RP1: variants seen among roughly 807,000 people sequenced by gnomAD.
The protein encoded by RP1 is oxygen-regulated protein 1.
In RP1, 16 loss-of-function variants were observed where a neutral mutation model predicts 14.8. That is an observed-to-expected ratio of 1.08 (90% CI 0.73 to 1.65). RP1 has a LOEUF of 1.65. Ranked by LOEUF, RP1 falls within the 40% of genes most tolerant of loss-of-function variation. RP1 has a pLI of 0.00. For missense variants in RP1, 2,631 were observed against 2,535.0 expected (o/e 1.04, Z -0.81); for synonymous variants, 876 against 883.6 (o/e 0.99, Z 0.15).
chr8:54,622,325 C>A, intron 3 of RP1, 37 bp downstream of exon 3: 1 of 1,605,582 alleles, frequency 6.2e-7, no homozygotes, highest in Non-Finnish European at 8.5e-7. Context: ...ATATTTTTAG[C>A]CCTGAGATTT....
Position 54,853,403 on chromosome 8 carries a change from G to A in RP1, c.3990+675G>A, listed in dbSNP as rs531524147. ...CTCAGTGGAAGTGTGCATTCTATAA[G>A]TCACTGCTGTTGGCAGCAGGGACTG... On this transcript the variant is annotated intron_variant, in intron 26 of 28. Transcript: ENST00000637698. 1.2e-4 allele frequency among the ~76,000 whole-genome samples: 19 copies of A among 152,276 alleles called. No homozygotes were observed. The South Asian group carries it at 2.7e-3, about 22-fold the overall frequency.
chr8:54,611,360 CTTCAAACTCTGT>C (rs1805587642), upstream of RP1, among the ~76,000 whole-genome samples: 1 of 152,168 alleles, frequency 6.6e-6, no homozygotes, highest in South Asian at 2.1e-4. Context: ...TCCCCAGGTC[CTTCAAACTCTGT>C]TTACCTTTCC....
intron 1 of RP1, among the ~76,000 whole-genome samples, chr8:54,573,917 G>A (rs538320760): frequency 6.6e-6 from 1 of 152,182 alleles, no homozygotes; most frequent in Non-Finnish European, 1.5e-5. Flanking sequence ...GAATCAAGAG[G>A]GGAGCAGGGC....
intron 22 of RP1, among the ~76,000 whole-genome samples, chr8:54,762,021 G>A (rs1809652062): frequency 6.6e-6 from 1 of 152,170 alleles, no homozygotes; most frequent in African/African-American, 2.4e-5. Context: ...CATGGAGCCT[G>A]GAAGGCTGTT....
chr8:54,713,271 G>C (rs1430749183), intron 15 of RP1, among the ~76,000 whole-genome samples: 1 of 152,088 alleles, frequency 6.6e-6, no homozygotes, highest in African/African-American at 2.4e-5. Context: ...CACCTTAATA[G>C]ATTTGATGTA....
At chr8:54,759,682 C>T (rs1214874485) in intron 22 of RP1, among the ~76,000 whole-genome samples, 4 of 152,064 alleles carry the variant, frequency 2.6e-5, no homozygotes, top group African/African-American at 9.7e-5. Context: ...CCTGTTTTTC[C>T]AAGAAGAAGC....
chr8:54,663,743 G>A (rs1806948843), exon 7 of RP1: 10 of 1,534,378 alleles, frequency 6.5e-6, no homozygotes, highest in African/African-American at 2.7e-5. Context: ...GCTATGGAAT[G>A]CTGGAACAGT....
intron 15 of RP1, among the ~76,000 whole-genome samples, chr8:54,707,189 A>G (rs1808171584): frequency 2.0e-5 from 3 of 151,898 alleles, no homozygotes; most frequent in Non-Finnish European, 4.4e-5. Context: ...CCCAGGCTGG[A>G]GTGCAGTCAT....
At chr8:54,705,217 T>C (rs908280001) in intron 14 of RP1, among the ~76,000 whole-genome samples, 1 of 151,706 alleles carries the variant, frequency 6.6e-6, no homozygotes, top group East Asian at 1.9e-4. Flanking sequence ...ACAGAACCCA[T>C]TGAAAATTGT....
intron 1 of RP1, among the ~76,000 whole-genome samples, chr8:54,575,277 A>G (rs547898209): frequency 6.6e-6 from 1 of 152,344 alleles, no homozygotes; most frequent in East Asian, 1.9e-4. Flanking sequence ...CTGTTCCCTA[A>G]TGTAACAAGG....
intron 12 of RP1, among the ~76,000 whole-genome samples, chr8:54,695,082 G>A (rs551678123): frequency 2.0e-5 from 3 of 152,270 alleles, no homozygotes; most frequent in African/African-American, 7.2e-5. Context: ...TATGCACCCA[G>A]TAGTCATTCA....
chr8:54,727,083 G>T (rs1301593184), intron 17 of RP1, among the ~76,000 whole-genome samples: 1 of 152,032 alleles, frequency 6.6e-6, no homozygotes, highest in Non-Finnish European at 1.5e-5. Flanking sequence ...CCCGTCTTGG[G>T]AGACAGATAA....
chr8:54,853,881 GAAAA>G (rs200899799), intron 26 of RP1, among the ~76,000 whole-genome samples: 1 of 73,912 alleles, frequency 1.4e-5, no homozygotes, highest in South Asian at 3.7e-4. Context: ...GAAAAAGAAA[GAAAA>G]AAAGAAAAAA....
chr8:54,754,811 G>A, exon 20 of RP1: 1 of 1,512,074 alleles, frequency 6.6e-7, no homozygotes, highest in Non-Finnish European at 8.8e-7. Flanking sequence ...AGGTGACCAT[G>A]CAACATATGA....
intron 16 of RP1, among the ~76,000 whole-genome samples, chr8:54,721,153 T>C (rs1450087685): frequency 1.3e-5 from 2 of 152,270 alleles, no homozygotes; most frequent in Admixed American, 6.5e-5. Flanking sequence ...TATTTGGTCC[T>C]GTTCTTCACT....
chr8:54,665,879 C>T (rs1807005793), intron 7 of RP1, among the ~76,000 whole-genome samples: 4 of 152,244 alleles, frequency 2.6e-5, no homozygotes, highest in Middle Eastern at 3.4e-3. Context: ...ATTAGGTGTA[C>T]ACTCAAACCC....
intron 17 of RP1, among the ~76,000 whole-genome samples, chr8:54,732,766 T>C (rs1383088197): frequency 6.6e-6 from 1 of 152,220 alleles, no homozygotes; most frequent in Non-Finnish European, 1.5e-5. Flanking sequence ...AATGTTCACA[T>C]GTAACACTGA....
Position 54,625,622 on chromosome 8 carries a change from A to G in RP1, c.1740A>G (p.Val580=). 2.5e-6 allele frequency: 4 copies of G among 1,614,162 alleles called. No homozygotes were observed. The highest frequency in any genetic ancestry group is 3.4e-6 in the Non-Finnish European group (4 of 1,180,014). Residue 580 remains valine, a synonymous_variant, in exon 4 of 4, where the codon GTA becomes GTG. Coordinates refer to ENST00000220676, the MANE Select transcript of RP1 (RefSeq NM_006269.2). ...ATAACTCAATTGTGGAGGAAGATGT[A>G]GTTGATTGTGTGGTATTGGACAACA... ...ISNNSIVEED[V]VDCVVLDNKT...
At chr8:54,835,081 A>G (rs1811626324) in intron 24 of RP1, among the ~76,000 whole-genome samples, 1 of 150,308 alleles carries the variant, frequency 6.7e-6, no homozygotes, top group African/African-American at 2.4e-5. Flanking sequence ...TGGTTAGAAA[A>G]ATCCTACATT....
Sources: gnomAD v4.1 joint callset for allele counts (sites outside exome capture counted in the v4.1 genomes callset) on GRCh38, gnomAD v4.1.1 for gene constraint, MANE v1.5 for transcripts, NCBI Gene and HGNC (gene_info 2026-07-23, HGNC 2026-07-21) for gene names.